Variants in TMEM35A observed in about 807,000 individuals in gnomAD.
TMEM35A encodes nicotinic acetylcholine receptor chaperone.
For synonymous variants in TMEM35A, 50 were observed against 54.7 expected, an observed-to-expected ratio of 0.91 and a Z score of 0.38; for missense variants, 83 against 132.7, an observed-to-expected ratio of 0.63 and a Z score of 1.84.
chrX:101,090,327 A>ATTT (rs1199957258), intron 1 of TMEM35A, among the ~76,000 whole-genome samples: 11 of 66,244 alleles, frequency 1.7e-4, no homozygotes, highest in African/African-American at 2.7e-4. Context: ...TAATTTTTGT[A>ATTT]TTTTTTTTTT....
intron 1 of TMEM35A, among the ~76,000 whole-genome samples, chrX:101,082,133 C>CTTTTTTTTT: frequency 8.4e-3 from 171 of 20,383 alleles, no homozygotes; most frequent in Non-Finnish European, 0.012. Context: ...TTCTTTCTTT[C>CTTTTTTTTT]TTTTTTTTTT....
At chrX:101,083,832 G>C (rs950942932) in intron 1 of TMEM35A, among the ~76,000 whole-genome samples, 1 of 111,046 alleles carries the variant, frequency 9.0e-6, no homozygotes, top group African/African-American at 3.3e-5. Flanking sequence ...AGCTGAGTTT[G>C]TTTCAGACAG....
chrX:101,093,232 A>G (rs1375858460), intron 1 of TMEM35A, among the ~76,000 whole-genome samples: 1 of 112,313 alleles, frequency 8.9e-6, no homozygotes, highest in Non-Finnish European at 1.9e-5. Flanking sequence ...GAAAATATGG[A>G]TGTGGCTAAC....
At chrX:101,085,647 G>C (rs909590544) in intron 1 of TMEM35A, among the ~76,000 whole-genome samples, 2 of 109,697 alleles carry the variant, frequency 1.8e-5, no homozygotes, top group Non-Finnish European at 1.9e-5. Flanking sequence ...AGGCTCCATA[G>C]GCCAGGCGCA....
intron 1 of TMEM35A, among the ~76,000 whole-genome samples, chrX:101,086,330 G>A (rs962685799): frequency 1.3e-4 from 15 of 111,373 alleles, no homozygotes; most frequent in Non-Finnish European, 2.1e-4. Context: ...CATGTTGGCC[G>A]GGCTGGTCTC....
At chrX:101,080,733 C>T (rs995977918) in intron 1 of TMEM35A, among the ~76,000 whole-genome samples, 6 of 110,106 alleles carry the variant, frequency 5.4e-5, no homozygotes, top group African/African-American at 2.0e-4. Context: ...AATGAACATG[C>T]TCTTGCTTTA....
chrX:101,083,729 C>G (rs1327890152), intron 1 of TMEM35A, among the ~76,000 whole-genome samples: 1 of 111,509 alleles, frequency 9.0e-6, no homozygotes, highest in Non-Finnish European at 1.9e-5. Flanking sequence ...AGAGGTGAAG[C>G]AGCTTTGCTT....
At chrX:101,082,770 G>A (rs953847299) in intron 1 of TMEM35A, among the ~76,000 whole-genome samples, 83 of 109,955 alleles carry the variant, frequency 7.5e-4, no homozygotes, top group African/African-American at 2.5e-3. Context: ...TCAGCCTCCG[G>A]AGTAGCTGGG....
chrX:101,090,278 G>T (rs1425012433), intron 1 of TMEM35A, among the ~76,000 whole-genome samples: 4 of 106,279 alleles, frequency 3.8e-5, no homozygotes, highest in African/African-American at 7.0e-5. Context: ...TCAGCCTCCC[G>T]GATAGCTGGG....
chrX:101,085,482 TC>T (rs1680539158), intron 1 of TMEM35A, among the ~76,000 whole-genome samples: 1 of 110,833 alleles, frequency 9.0e-6, no homozygotes, highest in South Asian at 3.8e-4. Context: ...GCGTCTGTAG[TC>T]CCAGCTGTTT....
rs1330623401 is a variant in TMEM35A at position 101,094,659 on chromosome X, T to G, written c.207T>G (p.Gly69=). The part of the protein sequence containing the change: ...INSILLRKSI[G]ALEVACGIVM... ...CCATTCTCCTCCGAAAAAGCATTGGTGCCCTTGAAGTGGCCTGTGGCATCG... is the reference window on the plus strand; with the variant it reads ...CCATTCTCCTCCGAAAAAGCATTGGGGCCCTTGAAGTGGCCTGTGGCATCG... Residue 69 remains glycine (G), a synonymous_variant, in exon 2 of 2, where the codon GGT becomes GGG. Coordinates refer to ENST00000372930, the MANE Select transcript of TMEM35A (RefSeq NM_021637.3). The G allele has an allele frequency of 1.6e-5, 19 of 1,211,751 alleles. No homozygotes were observed. Among genetic ancestry groups the G allele is most frequent in the Non-Finnish European group, 2.0e-5 (18 of 895,494 alleles).
intron 1 of TMEM35A, among the ~76,000 whole-genome samples, chrX:101,084,384 A>AT (rs1315001465): frequency 9.0e-6 from 1 of 110,998 alleles, no homozygotes. Flanking sequence ...ATGGTTTAAG[A>AT]TAGCAACCAG....
chrX:101,079,203 T>A, intron 1 of TMEM35A, 81 bp downstream of exon 1: 1 of 1,115,123 alleles, frequency 9.0e-7, no homozygotes, highest in Non-Finnish European at 1.2e-6. Flanking sequence ...TCTCAGTTTC[T>A]GGTCCCACCC....
chrX:101,087,988 G>A lies in TMEM35A; in HGVS notation c.121-6585G>A, dbSNP rs1017867183. Reference sequence around the variant, plus strand: ...GATCGTGCCACTGCACTCCAGCCTGGGCGACAGAGTGAGACTCCATCTCAA... The same window carrying A: ...GATCGTGCCACTGCACTCCAGCCTGAGCGACAGAGTGAGACTCCATCTCAA... On this transcript the variant is annotated intron_variant, in intron 1 of 1. Transcript: ENST00000372930. Among the ~76,000 whole-genome samples the A allele has an allele frequency of 3.6e-5, 4 of 110,378 alleles. No homozygotes were observed. The Admixed American group carries it at 3.9e-4, about 11-fold the overall frequency.
chrX:101,092,073 A>G (rs193203760), intron 1 of TMEM35A, among the ~76,000 whole-genome samples: 102 of 111,307 alleles, frequency 9.2e-4, no homozygotes, highest in Non-Finnish European at 9.2e-4. Flanking sequence ...TATAAACTTC[A>G]AGCTTCAGGA....
At chrX:101,086,849 T>C (rs1313340048) in intron 1 of TMEM35A, among the ~76,000 whole-genome samples, 1 of 111,439 alleles carries the variant, frequency 9.0e-6, no homozygotes, top group Admixed American at 9.7e-5. Context: ...ATTAAAGTCT[T>C]TAGAGACCTA....
intron 1 of TMEM35A, among the ~76,000 whole-genome samples, chrX:101,086,716 G>A (rs962945363): frequency 3.6e-5 from 4 of 111,062 alleles, no homozygotes; most frequent in Admixed American, 9.7e-5. Context: ...CCCCCTATAC[G>A]GAAACTATGG....
intron 1 of TMEM35A, among the ~76,000 whole-genome samples, chrX:101,080,109 T>C (rs2089287724): frequency 8.9e-6 from 1 of 111,828 alleles, no homozygotes; most frequent in Non-Finnish European, 1.9e-5. Flanking sequence ...TCGTCGCCTT[T>C]GCCAGACTTC....
intron 1 of TMEM35A, 75 bp downstream of exon 1, chrX:101,079,197 A>G: frequency 8.8e-7 from 1 of 1,137,767 alleles, no homozygotes; most frequent in South Asian, 2.0e-5. Context: ...TTTCCTTCTC[A>G]GTTTCTGGTC....
Sources: allele counts gnomAD v4.1 joint callset (sites outside exome capture counted in the v4.1 genomes callset), GRCh38; gene constraint gnomAD v4.1.1; transcripts MANE v1.5; gene names NCBI Gene and HGNC (gene_info 2026-07-23, HGNC 2026-07-21).